Variants in ANKRD28 observed in about 807,000 individuals in gnomAD.
ANKRD28 encodes serine/threonine-protein phosphatase 6 regulatory ankyrin repeat subunit A.
ANKRD28 carries 44 observed loss-of-function variants against 126.5 expected under a neutral mutation model. The ratio of observed to expected loss-of-function variants is 0.35; its 90% CI spans 0.27 to 0.45. The LOEUF is 0.45. ANKRD28 is among the 20% of genes least tolerant of loss of function. The pLI is 1.00. For missense variants in ANKRD28, 1,110 were observed against 1,316.6 expected, an observed-to-expected ratio of 0.84 and a Z score of 2.43; for synonymous variants, 442 against 468.5, an observed-to-expected ratio of 0.94 and a Z score of 0.73.
intron 17 of ANKRD28, 107 bp from the exon 18 acceptor site, chr3:15,690,327 C>T (rs1258440711): frequency 3.2e-6 from 3 of 926,224 alleles, no homozygotes; most frequent in Admixed American, 5.7e-5. Context: ...TATTATCCTA[C>T]TTGAGATAAT....
chr3:15,691,971 T>C (rs950524995), intron 17 of ANKRD28, among the ~76,000 whole-genome samples: 3 of 151,456 alleles, frequency 2.0e-5, no homozygotes, highest in African/African-American at 7.3e-5. Flanking sequence ...CTGCCAAAAA[T>C]AAATAAACAA....
rs17041426 is a variant in ANKRD28, at chr3:15,668,699, C to G, written c.*1571G>C. 572 of 152,580 alleles carry G rather than the reference C, an allele frequency of 3.7e-3. 2 individuals are homozygous for G. The highest frequency in any genetic ancestry group is 0.013 in the African/African-American group (550 of 41,496). 9.5% of individuals were successfully genotyped at this position (152,580 alleles called of 1,614,324 possible). A position where few individuals can be genotyped will look rare whatever the true frequency, so the allele number is the denominator to read the frequency against. On this transcript the variant is annotated 3_prime_UTR_variant, in exon 28 of 28. Transcript: ENST00000683139. ...CAAGTAAATACAGTATTCAAGCAGT[C>G]ACTATTTCTATGTACATGCTCATTA...
intron 2 of ANKRD28, among the ~76,000 whole-genome samples, chr3:15,793,688 C>T (rs898666123): frequency 3.9e-5 from 6 of 152,236 alleles, no homozygotes; most frequent in South Asian, 2.1e-4. Context: ...CCTTTTCATG[C>T]GTCTATACCC....
rs956287559 is a variant in ANKRD28, at chr3:15,845,868, T to C, written c.27+13509A>G. ...GGTATGTGCCACACACTTTAAACCA[T>C]TGCATCTCGTGAAAACTCGCTCACT... On this transcript the variant is annotated intron_variant, in intron 1 of 27. Transcript: ENST00000399451. The surrounding 1 kb of genome is among the most constrained non-coding windows in gnomAD (Gnocchi z 4.9). Among the ~76,000 whole-genome samples, 12 of 152,074 alleles carry C rather than the reference T, an allele frequency of 7.9e-5. No individual in the cohort carries two copies. The highest frequency in any genetic ancestry group is 2.1e-4 in the South Asian group (1 of 4,820).
rs1386232774 is a variant in ANKRD28, at chr3:15,853,174, A to C, written c.27+6203T>G. 1.3e-5 allele frequency among the ~76,000 whole-genome samples: 2 copies of C among 152,208 alleles called. No individual in the cohort carries two copies. The highest frequency in any genetic ancestry group is 2.9e-5 in the Non-Finnish European group (2 of 68,044). The stretch of plus-strand genomic sequence containing the variant: ...TTTTAAGTAACTAATAATTTCATTA[A>C]TTTTGGCTTTAAATTTAAGGTATTA... On this transcript the variant is annotated intron_variant, in intron 1 of 27. Transcript: ENST00000399451. The surrounding 1 kb of genome is among the most constrained non-coding windows in gnomAD (Gnocchi z 4.2).
rs1394304610 is a variant in ANKRD28, at chr3:15,797,893, A to G, written c.-1372T>C. 2 of 985,336 alleles carry G rather than the reference A, an allele frequency of 2.0e-6. No homozygotes were observed. Among genetic ancestry groups the G allele is most frequent in the African/African-American group, 1.7e-5 (1 of 57,228 alleles). 61.0% of individuals were successfully genotyped at this position (985,336 alleles called of 1,614,324 possible). Reference sequence around the variant, plus strand: ...GTATCAGTCCCACAGAAGCATTCCAACGGAGCAACAGTCTGAAGAGCAAAG... The same window carrying G: ...GTATCAGTCCCACAGAAGCATTCCAGCGGAGCAACAGTCTGAAGAGCAAAG... On this transcript the variant is annotated 5_prime_UTR_variant, in exon 1 of 28. Transcript: ENST00000683139.
At chr3:15,682,805 G>A (rs926247771) in intron 21 of ANKRD28, among the ~76,000 whole-genome samples, 7 of 152,094 alleles carry the variant, frequency 4.6e-5, no homozygotes, top group African/African-American at 1.7e-4. Context: ...CTATAAATAT[G>A]GTATTAATTT....
At chr3:15,813,769 A>C (rs2125892261) in intron 1 of ANKRD28, among the ~76,000 whole-genome samples, 1 of 152,346 alleles carries the variant, frequency 6.6e-6, no homozygotes, top group South Asian at 2.1e-4. Context: ...TCACTCAAAT[A>C]ATTGAGGTTC....
rs1345651551 is a variant in ANKRD28, at chr3:15,839,284, AAC to A, written c.27+20091_27+20092del. Among the ~76,000 whole-genome samples the A allele has an allele frequency of 2.0e-5, 3 of 152,158 alleles. No homozygotes were observed. The highest frequency in any genetic ancestry group is 7.2e-5 in the African/African-American group (3 of 41,444). On this transcript the variant is annotated intron_variant, in intron 1 of 27. Coordinates refer to the ANKRD28 transcript ENST00000399451. The surrounding 1 kb of genome is among the most constrained non-coding windows in gnomAD (Gnocchi z 4.3). ...TACCTCAATAAACTGTTAAAAAAAA[AAC>A]ACACTGATCTAACCAATCACCAGCT...
chr3:15,750,317 C>T (rs958558044), intron 4 of ANKRD28, among the ~76,000 whole-genome samples: 2 of 152,168 alleles, frequency 1.3e-5, no homozygotes, highest in Admixed American at 6.5e-5. Flanking sequence ...AAATAAACAT[C>T]TTTATGGAGA....
chr3:15,741,342 C>G (rs1339339217), intron 4 of ANKRD28, among the ~76,000 whole-genome samples: 1 of 152,102 alleles, frequency 6.6e-6, no homozygotes, highest in East Asian at 1.9e-4. Context: ...AATCAAAGAG[C>G]CTGTCATACC....
At position 15,843,035 on chromosome 3, in the gene ANKRD28, G is replaced by T. The variant is rs1040902169; in HGVS notation, c.27+16342C>A. 6.6e-6 allele frequency among the ~76,000 whole-genome samples: 1 copy of T among 152,096 alleles called. No homozygotes were observed. The highest frequency in any genetic ancestry group is 1.5e-5 in the Non-Finnish European group (1 of 68,024). ...TGCTATAAAGAAATATCCAAGACTG[G>T]GTAATTTATAAGAAAAGAGGTTTAA... On this transcript the variant is annotated intron_variant, in intron 1 of 27. Transcript: ENST00000399451. This position sits in a 1 kb window ranked among gnomAD's most constrained non-coding sequence, Gnocchi z 5.2.
intron 3 of ANKRD28, among the ~76,000 whole-genome samples, chr3:15,753,352 G>T (rs1383848049): frequency 6.6e-6 from 1 of 152,228 alleles, no homozygotes; most frequent in African/African-American, 2.4e-5. Context: ...ATGTTTGCCA[G>T]CTGGAAGCTG....
chr3:15,733,194 CA>C (rs2074774169), intron 6 of ANKRD28: 1 of 152,172 alleles, frequency 6.6e-6, no homozygotes, highest in Non-Finnish European at 1.5e-5. Flanking sequence ...AACACATCTC[CA>C]GTATTACATG....
chr3:15,669,968 C>G lies in ANKRD28; in HGVS notation c.*302G>C, dbSNP rs1027578267. On this transcript the variant is annotated 3_prime_UTR_variant, in exon 28 of 28. Transcript: ENST00000683139. Reference sequence around the variant, plus strand: ...GTTACAATAGTGTTGCTTGTGTAAGCAGGTTAGAGTGCACAGTGTCCCCAA... The same window carrying G: ...GTTACAATAGTGTTGCTTGTGTAAGGAGGTTAGAGTGCACAGTGTCCCCAA... 7.5e-6 allele frequency: 2 copies of G among 267,794 alleles called. No homozygotes were observed. The highest frequency in any genetic ancestry group is 1.4e-5 in the Non-Finnish European group (2 of 141,212). 16.6% of individuals were successfully genotyped at this position (267,794 alleles called of 1,614,324 possible).
In ANKRD28 at chr3:15,670,287, C is replaced by T; in HGVS notation, c.3235G>A (p.Asp1079Asn). ...YTDVDELNDS[D>N]SETY ...TCAGCCTCTCAGTAGGTCTCAGAAT[C>T]GGAGTCGTTGAGCTCATCCACGTCA... The change falls in exon 28 of 28, where the codon GAT (aspartate) becomes AAT (asparagine). Residue 1079 changes from aspartate to asparagine, a missense_variant. Asp to Asn is a conservative substitution (Grantham distance 23). Coordinates refer to ENST00000683139, the MANE Select transcript of ANKRD28 (RefSeq NM_001349278.2). 1 of 1,613,328 alleles carries T rather than the reference C, an allele frequency of 6.2e-7. No individual in the cohort carries two copies. Among genetic ancestry groups the T allele is most frequent in the Non-Finnish European group, 8.5e-7 (1 of 1,179,310 alleles).
chr3:15,831,572 G>GA lies in ANKRD28; in HGVS notation c.27+27804dup, dbSNP rs540388143. On this transcript the variant is annotated intron_variant, in intron 1 of 27. Coordinates refer to the ANKRD28 transcript ENST00000399451. ...AGACACTGTCAAATTCCCCTGAGGA[G>GA]AAAAATCGCTCTCCCCTCAATATTG... 2.7e-3 allele frequency among the ~76,000 whole-genome samples: 413 copies of GA among 152,262 alleles called. 5 individuals carry two copies. The Middle Eastern group carries it at 0.061, about 23-fold the overall frequency.
Position 15,768,830 on chromosome 3 carries a change from G to C in ANKRD28, c.202-2518C>G, listed in dbSNP as rs1165634742. ...ATGTTAAATTGTTCAGTAAGCTAAGGGTTCTTTCTCTCACCACAATTAGCA... is the reference window on the plus strand; with the variant it reads ...ATGTTAAATTGTTCAGTAAGCTAAGCGTTCTTTCTCTCACCACAATTAGCA... On this transcript the variant is annotated intron_variant, in intron 2 of 27. Coordinates refer to ENST00000683139, the MANE Select transcript of ANKRD28 (RefSeq NM_001349278.2). 3.3e-5 allele frequency among the ~76,000 whole-genome samples: 5 copies of C among 151,994 alleles called. No individual in the cohort carries two copies. The East Asian group carries it at 7.7e-4, about 23-fold the overall frequency.
chr3:15,674,174 CAAAAAAAA>C (rs34806568), intron 27 of ANKRD28, among the ~76,000 whole-genome samples: 5 of 40,286 alleles, frequency 1.2e-4, no homozygotes, highest in South Asian at 1.6e-3. Context: ...CCTGCCTCTT[CAAAAAAAA>C]AAAAAAAAAA....
Sources: gnomAD v4.1 joint callset for allele counts (sites outside exome capture counted in the v4.1 genomes callset) on GRCh38, gnomAD v4.1.1 for gene constraint, Gnocchi (gnomAD v3.1) non-coding constraint, MANE v1.5 for transcripts, NCBI Gene and HGNC (gene_info 2026-07-23, HGNC 2026-07-21) for gene names.